Variants in CARMIL2 observed in about 807,000 individuals in gnomAD.
CARMIL2 encodes the protein capping protein regulator and myosin 1 linker 2, also known as capping protein, Arp2/3 and myosin-I linker protein 2.
In CARMIL2, 96 loss-of-function variants were observed where a neutral mutation model predicts 173.3. That is an observed-to-expected ratio of 0.55 (90% CI 0.47 to 0.66). CARMIL2 has a LOEUF of 0.66. Ranked by LOEUF, CARMIL2 falls within the 30% of genes least tolerant of loss-of-function variation. The probability of loss-of-function intolerance (pLI) is 0.00; values close to 1 mark genes in which losing one functional copy is unlikely to be tolerated. For synonymous variants in CARMIL2, 830 were observed against 817.1 expected (o/e 1.02, Z -0.27); for missense variants, 1,771 against 1,906.7 (o/e 0.93, Z 1.33).
Position 67,654,655 on chromosome 16 carries a change from C to T in CARMIL2, c.3545C>T (p.Ala1182Val), listed in dbSNP as rs1376420708. 1.9e-6 allele frequency: 3 copies of T among 1,585,898 alleles called. No homozygotes were observed. Among genetic ancestry groups the T allele is most frequent in the Non-Finnish European group, 2.6e-6 (3 of 1,164,662 alleles). ...SKAYSMILLP[A>V]EEEATLGARP... ...GCCTACTCGATGATACTGCTGCCTG[C>T]CGAGGAGGAGGCAACGCTGGGTGCC... Residue 1182 changes from alanine (A) to valine (V), a missense_variant, in exon 31 of 38, where the codon GCC (alanine) becomes GTC (valine). Transcript: ENST00000334583.
Position 67,648,090 on chromosome 16 carries a change from G to A in CARMIL2, c.1110G>A (p.Ser370=), listed in dbSNP as rs367816014. 1.9e-6 allele frequency: 3 copies of A among 1,612,866 alleles called. No homozygotes were observed. The highest frequency in any genetic ancestry group is 2.5e-6 in the Non-Finnish European group (3 of 1,179,528). ...YSFLSRPNVL[S]FLNLAGTDTA... is the part of the protein sequence containing the mutation. ...TCCTGAGCCGTCCTAACGTACTGTC[G>A]TTCCTGAATCTCGCAGGCACCGACA... is the stretch of plus-strand genomic sequence containing the variant. The change falls in exon 14 of 38, where the codon TCG becomes TCA. Residue 370 remains serine (S), a synonymous_variant. Coordinates refer to ENST00000334583, the MANE Select transcript of CARMIL2 (RefSeq NM_001013838.3). The surrounding 1 kb of genome is among the most constrained non-coding windows in gnomAD (Gnocchi z 6.1).
In CARMIL2 at chr16:67,648,509, G is replaced by T; in HGVS notation, c.1439+7G>T. 1 of 1,465,738 alleles carries T rather than the reference G, an allele frequency of 6.8e-7. No homozygotes were observed. Among genetic ancestry groups the T allele is most frequent in the South Asian group, 1.4e-5 (1 of 71,836 alleles). 90.8% of individuals were successfully genotyped at this position (1,465,738 alleles called of 1,614,324 possible). A position where few individuals can be genotyped will look rare whatever the true frequency, so the allele number is the denominator to read the frequency against. ...TGCCGCCCGACGCGCTCAGGTCAGT[G>T]TCGGACCCCGGCCACGCCCCCGCGG... On this transcript the variant is annotated splice_region_variant and intron_variant, in intron 15 of 37. Transcript: ENST00000334583. The surrounding 1 kb of genome is among the most constrained non-coding windows in gnomAD (Gnocchi z 6.1).
In CARMIL2 at chr16:67,651,816, G is replaced by A; in HGVS notation, c.2559G>A (p.Gln853=). The A allele has an allele frequency of 3.1e-6, 5 of 1,611,982 alleles. No individual in the cohort carries two copies. The highest frequency in any genetic ancestry group is 4.2e-6 in the Non-Finnish European group (5 of 1,179,512). ...GCCTCCCGGAGCTGCTCCCAGAGCA[G>A]CTGCTGCAAGATGCCTTCACTAGGC... ...SRGLPELLPE[Q]LLQDAFTRLR... is the part of the protein sequence containing the mutation. Residue 853 remains glutamine, a synonymous_variant, in exon 25 of 38, where the codon CAG becomes CAA. Coordinates refer to ENST00000334583, the MANE Select transcript of CARMIL2 (RefSeq NM_001013838.3). The surrounding 1 kb of genome is among the most constrained non-coding windows in gnomAD (Gnocchi z 4.2).
At position 67,648,392 on chromosome 16, in the gene CARMIL2, C is replaced by T. The variant is rs773827131; in HGVS notation, c.1335-6C>T. ...GGCCCCAGGCCCACCTTCCCACTTC[C>T]CCCAGGAAGTCCCGCGCCGCGCCGG... On this transcript the variant is annotated splice_region_variant and splice_polypyrimidine_tract_variant and intron_variant, in intron 14 of 37. Coordinates refer to ENST00000334583, the MANE Select transcript of CARMIL2 (RefSeq NM_001013838.3). The surrounding 1 kb of genome is among the most constrained non-coding windows in gnomAD (Gnocchi z 6.1). The T allele has an allele frequency of 6.5e-6, 10 of 1,535,036 alleles. No homozygotes were observed. In the Admixed American group the frequency reaches 1.6e-4, roughly 25 times the overall value.
Position 67,647,018 on chromosome 16 carries a change from C to T in CARMIL2, c.611+45C>T, listed in dbSNP as rs747563544. On this transcript the variant is annotated intron_variant, in intron 8 of 37. Coordinates refer to ENST00000334583, the MANE Select transcript of CARMIL2 (RefSeq NM_001013838.3). ...GGGAGAGGAGGAAGATCCCGGGGCC[C>T]ATATCCCTGGGCCTCAGTTTCTCCA... 3.1e-6 allele frequency: 5 copies of T among 1,607,650 alleles called. No individual in the cohort carries two copies. In the East Asian group the frequency reaches 8.9e-5, roughly 29 times the overall value.
At position 67,648,742 on chromosome 16, in the gene CARMIL2, C is replaced by T; in HGVS notation, c.1497C>T (p.Leu499=). The T allele has an allele frequency of 6.2e-7, 1 of 1,605,434 alleles. No individual in the cohort carries two copies. The highest frequency in any genetic ancestry group is 8.5e-7 in the Non-Finnish European group (1 of 1,176,378). The change falls in exon 16 of 38, where the codon CTC becomes CTT. Residue 499 remains leucine (L), a synonymous_variant. Transcript: ENST00000334583. This position sits in a 1 kb window ranked among gnomAD's most constrained non-coding sequence, Gnocchi z 6.1. ...NTHLRDLHLD[L]SACELRSAGA... ...ACCTCCGCGACCTGCACCTGGACCT[C>T]AGCGCTTGCGAGGTGAGCGCCGGCC...
intron 32 of CARMIL2, 42 bp from the exon 33 acceptor site, chr16:67,655,989 G>C (rs180947610): frequency 1.9e-6 from 3 of 1,561,398 alleles, no homozygotes; most frequent in Non-Finnish European, 2.6e-6. Flanking sequence ...TAGGGTGTGG[G>C]GAGCGGGCAG....
chr16:67,654,117 ACCCTGAC>A lies in CARMIL2; in HGVS notation c.3121-21_3121-15del, dbSNP rs772107917. 3.7e-5 allele frequency: 50 copies of A among 1,366,312 alleles called. 1 individual carries two copies. In the East Asian group the frequency reaches 4.8e-4, roughly 13 times the overall value. 84.6% of individuals were successfully genotyped at this position (1,366,312 alleles called of 1,614,324 possible). The stretch of plus-strand genomic sequence containing the variant: ...GGGGTAGAAGCCAGAGTTGCACTCA[ACCCTGAC>A]CCCTGACCCCATGATGCCCCCCAGG... On this transcript the variant is annotated intron_variant, in intron 29 of 37. Transcript: ENST00000334583.
In CARMIL2 at chr16:67,653,897, C is replaced by T. The variant is rs1309086695; in HGVS notation, c.3121-252C>T. Among the ~76,000 whole-genome samples, 3 of 151,952 alleles carry T rather than the reference C, an allele frequency of 2.0e-5. No individual in the cohort carries two copies. The highest frequency in any genetic ancestry group is 1.5e-5 in the Non-Finnish European group (1 of 67,950). On this transcript the variant is annotated intron_variant, in intron 29 of 37. Coordinates refer to ENST00000334583, the MANE Select transcript of CARMIL2 (RefSeq NM_001013838.3). This position sits in a 1 kb window ranked among gnomAD's most constrained non-coding sequence, Gnocchi z 7.4. ...TTTGCTGGTGACCGGGTGGCTCGGGCGTGTAGGATACTCTGTGGGACAAGG... is the reference window on the plus strand; with the variant it reads ...TTTGCTGGTGACCGGGTGGCTCGGGTGTGTAGGATACTCTGTGGGACAAGG...
chr16:67,647,246 A>G, intron 9 of CARMIL2, 53 bp from the exon 10 acceptor site: 1 of 1,611,408 alleles, frequency 6.2e-7, no homozygotes, highest in African/African-American at 1.3e-5. Flanking sequence ...GCCAGGGTGC[A>G]GCCCGCTGAG....
rs1445840219 is a variant in CARMIL2, at chr16:67,645,541, C to T, written c.42C>T (p.Gly14=). The T allele has an allele frequency of 3.1e-6, 5 of 1,598,624 alleles. No homozygotes were observed. Among genetic ancestry groups the T allele is most frequent in the South Asian group, 1.1e-5 (1 of 89,062 alleles). ...TPDGISCELR[G]EITRFLWPKE... ...ACCCAGCAGGCTGCCCTTCCACAGGCGAGATCACCAGGTTCCTGTGGCCCA... is the reference window on the plus strand; with the variant it reads ...ACCCAGCAGGCTGCCCTTCCACAGGTGAGATCACCAGGTTCCTGTGGCCCA... The change falls in exon 2 of 38, where the codon GGC becomes GGT. Residue 14 remains glycine (G), a splice_region_variant and synonymous_variant. Transcript: ENST00000334583.
Position 67,651,224 on chromosome 16 carries a change from T to C in CARMIL2, c.2222T>C (p.Val741Ala). Reference protein sequence around the residue: ...NELCQSVQEHVELLGCGAGPQ... With the variant: ...NELCQSVQEHAELLGCGAGPQ... The stretch of plus-strand genomic sequence containing the variant: ...TTGTGTCAGTCGGTGCAGGAGCATG[T>C]GGAGCTGCTGGGCTGTGGGGCTGGG... The change falls in exon 23 of 38, where the codon GTG becomes GCG. Residue 741 changes from valine to alanine, a missense_variant. By Grantham distance (64) the Val-to-Ala change is moderately conservative (BLOSUM62 0). Around this residue, in one of 3 missense-constraint regions of CARMIL2, gnomAD observed 10 missense variants for 27.6 expected, o/e 0.36. Coordinates refer to ENST00000334583, the MANE Select transcript of CARMIL2 (RefSeq NM_001013838.3). This position sits in a 1 kb window ranked among gnomAD's most constrained non-coding sequence, Gnocchi z 4.2. The C allele has an allele frequency of 1.1e-5, 18 of 1,613,574 alleles. No homozygotes were observed. The highest frequency in any genetic ancestry group is 1.5e-5 in the Non-Finnish European group (18 of 1,179,846).
rs760709970 is a variant in CARMIL2, at chr16:67,648,188, G to A, written c.1208G>A (p.Arg403Gln). The A allele has an allele frequency of 4.4e-6, 7 of 1,608,260 alleles. No homozygotes were observed. The East Asian group carries it at 1.1e-4, about 26-fold the overall frequency. The change falls in exon 14 of 38, where the codon CGG becomes CAG. Residue 403 changes from arginine (R) to glutamine (Q), a missense_variant. Arg to Gln is a conservative substitution (Grantham distance 43). This residue lies in a region of CARMIL2 where 944 missense variants were observed against 975.6 expected (regional missense o/e 0.97). Coordinates refer to ENST00000334583, the MANE Select transcript of CARMIL2 (RefSeq NM_001013838.3). This position sits in a 1 kb window ranked among gnomAD's most constrained non-coding sequence, Gnocchi z 6.1. ...GGCAGGGCGGACTGGAGGGCGGGAC[G>A]GGGAGGGCTCGGTCCCCCCGCGGGT... The part of the protein sequence containing the change: ...MTGRADWRAG[R>Q]GGLGPPAGVA...
Position 67,646,985 on chromosome 16 carries a change from G to A in CARMIL2, c.611+12G>A, listed in dbSNP as rs1402242176. ...CACCTCGGCAGTCGGTGTGTGGCCT[G>A]CCAGGATGGGAGAGGAGGAAGATCC... is the stretch of plus-strand genomic sequence containing the variant. On this transcript the variant is annotated intron_variant, in intron 8 of 37. Coordinates refer to ENST00000334583, the MANE Select transcript of CARMIL2 (RefSeq NM_001013838.3). This position sits in a 1 kb window ranked among gnomAD's most constrained non-coding sequence, Gnocchi z 4.6. The A allele has an allele frequency of 2.5e-5, 41 of 1,612,364 alleles. No homozygotes were observed. Among genetic ancestry groups the A allele is most frequent in the Admixed American group, 3.3e-5 (2 of 59,780 alleles).
Position 67,656,117 on chromosome 16 carries a change from A to T in CARMIL2, c.3742+50A>T, listed in dbSNP as rs1210192784. On this transcript the variant is annotated intron_variant, in intron 33 of 37. Transcript: ENST00000334583. ...AGTACATTTGCCAGGAGGTGTCCTT[A>T]TAGACAGCCCCCAAGGCACTTGCTC... 4 of 1,611,116 alleles carry T rather than the reference A, an allele frequency of 2.5e-6. No individual in the cohort carries two copies. In the South Asian group the frequency reaches 4.4e-5, roughly 18 times the overall value.
chr16:67,647,592 G>A lies in CARMIL2; in HGVS notation c.861G>A (p.Leu287=). 1 of 1,610,292 alleles carries A rather than the reference G, an allele frequency of 6.2e-7. No individual in the cohort carries two copies. ...LRELSLAGNL[L]DDRGMTALSR... is the part of the protein sequence containing the mutation. Reference sequence around the variant, plus strand: ...AGCTCAGCCTCGCGGGGAACCTGCTGGATGACCGAGGTATGACTGAGCCTG... The same window carrying A: ...AGCTCAGCCTCGCGGGGAACCTGCTAGATGACCGAGGTATGACTGAGCCTG... The change falls in exon 11 of 38, where the codon CTG becomes CTA. Residue 287 remains leucine (L), a synonymous_variant. Transcript: ENST00000334583.
rs781431726 is a variant in CARMIL2 at position 67,651,280 on chromosome 16, G to A, written c.2278G>A (p.Glu760Lys). The A allele has an allele frequency of 6.2e-6, 10 of 1,613,576 alleles. No homozygotes were observed. Among genetic ancestry groups the A allele is most frequent in the Admixed American group, 1.7e-5 (1 of 60,020 alleles). ...GGGTGAAGCCGCTGTGCGCCAGGCC[G>A]AGGATGCCATCCAAAATGCCAACTT... ...PQGEAAVRQA[E>K]DAIQNANFSL... The change falls in exon 23 of 38, where the codon GAG becomes AAG. Residue 760 changes from glutamate to lysine, a missense_variant. Physicochemically the swap from Glu to Lys is moderately conservative, Grantham distance 56. Around this residue, in one of 3 missense-constraint regions of CARMIL2, gnomAD observed 817 missense variants for 903.5 expected, o/e 0.90. Coordinates refer to ENST00000334583, the MANE Select transcript of CARMIL2 (RefSeq NM_001013838.3). The surrounding 1 kb of genome is among the most constrained non-coding windows in gnomAD (Gnocchi z 4.2).
Position 67,652,163 on chromosome 16 carries a change from GCCC to G in CARMIL2, c.2677-35_2677-33del. 4 of 1,606,846 alleles carry G rather than the reference GCCC, an allele frequency of 2.5e-6. No individual in the cohort carries two copies. The highest frequency in any genetic ancestry group is 3.4e-6 in the Non-Finnish European group (4 of 1,177,414). On this transcript the variant is annotated intron_variant, in intron 26 of 37. Coordinates refer to ENST00000334583, the MANE Select transcript of CARMIL2 (RefSeq NM_001013838.3). This position sits in a 1 kb window ranked among gnomAD's most constrained non-coding sequence, Gnocchi z 4.7. ...TAGCATCAATGGGATCATGGCTGAG[GCCC>G]TACCTGCCATCTTTGGCTGCTTGGT...
rs541696449 is a variant in CARMIL2 at position 67,651,608 on chromosome 16, TGTTGGA to T, written c.2428-69_2428-64del. The stretch of plus-strand genomic sequence containing the variant: ...TGTGATATCCCCTGACTCAATATTC[TGTTGGA>T]GTTGGAGCCTCAAGCCAGCAGCCTG... On this transcript the variant is annotated intron_variant, in intron 24 of 37. Coordinates refer to ENST00000334583, the MANE Select transcript of CARMIL2 (RefSeq NM_001013838.3). The surrounding 1 kb of genome is among the most constrained non-coding windows in gnomAD (Gnocchi z 4.2). 296 of 1,571,720 alleles carry T rather than the reference TGTTGGA, an allele frequency of 1.9e-4. No homozygotes were observed. The African/African-American group carries it at 3.6e-3, about 19-fold the overall frequency.
Sources: allele counts gnomAD v4.1 joint callset (sites outside exome capture counted in the v4.1 genomes callset), GRCh38; gene constraint gnomAD v4.1.1; regional missense constraint gnomAD v4.1.1; non-coding constraint Gnocchi (gnomAD v3.1); transcripts MANE v1.5; gene names NCBI Gene and HGNC (gene_info 2026-07-23, HGNC 2026-07-21).